EXT1: variants seen among roughly 807,000 people sequenced by gnomAD.
EXT1 encodes exostosin-1.
In EXT1, 20 loss-of-function variants were observed where a neutral mutation model predicts 82.5. The ratio of observed to expected loss-of-function variants is 0.24; its 90% CI spans 0.17 to 0.35. The LOEUF (loss-of-function observed/expected upper bound fraction) is 0.35. Ranked by LOEUF, EXT1 falls within the 10% of genes least tolerant of loss-of-function variation. The probability of loss-of-function intolerance (pLI) is 1.00; values close to 1 mark genes in which losing one functional copy is unlikely to be tolerated. For synonymous variants in EXT1, 348 were observed against 350.8 expected (o/e 0.99, Z 0.09); for missense variants, 757 against 936.5 (o/e 0.81, Z 2.50).
chr8:117,858,945 C>G (rs1187042183), intron 1 of EXT1, among the ~76,000 whole-genome samples: 1 of 151,916 alleles, frequency 6.6e-6, no homozygotes, highest in Non-Finnish European at 1.5e-5. Context: ...CAGCAACCAC[C>G]ACTTGATCAG....
At chr8:118,024,984 T>C (rs754801775) in intron 1 of EXT1, among the ~76,000 whole-genome samples, 1 of 152,248 alleles carries the variant, frequency 6.6e-6, no homozygotes, top group African/African-American at 2.4e-5. Flanking sequence ...TGTGTTTCTA[T>C]GTACGTGTAT....
At chr8:118,091,108 A>C (rs1468679642) in intron 1 of EXT1, among the ~76,000 whole-genome samples, 1 of 152,190 alleles carries the variant, frequency 6.6e-6, no homozygotes, top group Non-Finnish European at 1.5e-5. Flanking sequence ...TGAGTTCACT[A>C]TCTCTCAGCC....
intron 1 of EXT1, among the ~76,000 whole-genome samples, chr8:117,885,593 T>TA (rs1813134552): frequency 6.6e-6 from 1 of 151,690 alleles, no homozygotes; most frequent in Admixed American, 6.6e-5. Flanking sequence ...TACAAAATGG[T>TA]AACATACCAT....
At chr8:117,929,933 C>T (rs1814019649) in intron 1 of EXT1, among the ~76,000 whole-genome samples, 1 of 152,096 alleles carries the variant, frequency 6.6e-6, no homozygotes, top group Non-Finnish European at 1.5e-5. Context: ...CACAGTGAAA[C>T]CCCATCTCTA....
chr8:117,938,448 C>G (rs1394286955), intron 1 of EXT1, among the ~76,000 whole-genome samples: 1 of 151,912 alleles, frequency 6.6e-6, no homozygotes, highest in Non-Finnish European at 1.5e-5. Context: ...AGTGACAAAG[C>G]GAGACTCCAA....
chr8:118,028,516 T>C (rs2129872793), intron 1 of EXT1, among the ~76,000 whole-genome samples: 1 of 152,072 alleles, frequency 6.6e-6, no homozygotes, highest in East Asian at 1.9e-4. Context: ...TATACATATA[T>C]AGATATACAT....
At chr8:117,978,054 C>G (rs1413743048) in intron 1 of EXT1, among the ~76,000 whole-genome samples, 1 of 152,178 alleles carries the variant, frequency 6.6e-6, no homozygotes, top group Non-Finnish European at 1.5e-5. Context: ...TGAAAAGTAT[C>G]TATTTGAAAG....
intron 1 of EXT1, among the ~76,000 whole-genome samples, chr8:117,878,574 G>A (rs542708774): frequency 2.1e-4 from 32 of 152,276 alleles, no homozygotes; most frequent in Non-Finnish European, 3.4e-4. Flanking sequence ...GCATAAGGTT[G>A]GCCAAGTTGT....
chr8:117,904,984 G>A (rs1586276264), intron 1 of EXT1, among the ~76,000 whole-genome samples: 3 of 152,308 alleles, frequency 2.0e-5, no homozygotes, highest in African/African-American at 7.2e-5. Context: ...CATTTAAGAT[G>A]TGTGAACTTT....
At chr8:117,973,103 T>C (rs1814974637) in intron 1 of EXT1, among the ~76,000 whole-genome samples, 1 of 152,216 alleles carries the variant, frequency 6.6e-6, no homozygotes, top group South Asian at 2.1e-4. Flanking sequence ...AGAACCATTG[T>C]AAAATATTTG....
chr8:117,966,728 T>TA (rs1427338984), intron 1 of EXT1, among the ~76,000 whole-genome samples: 2 of 152,216 alleles, frequency 1.3e-5, no homozygotes, highest in Non-Finnish European at 2.9e-5. Flanking sequence ...AGGGAAAGAC[T>TA]AAAAATAATT....
At chr8:117,815,928 C>G (rs1811804232) in intron 7 of EXT1, among the ~76,000 whole-genome samples, 1 of 128,942 alleles carries the variant, frequency 7.8e-6, no homozygotes, top group Non-Finnish European at 1.7e-5. Flanking sequence ...GAGCGAAACT[C>G]TGCCTCAAAA....
Position 117,936,065 on chromosome 8 carries a change from T to C in EXT1, c.963-98864A>G, listed in dbSNP as rs960025540. On this transcript the variant is annotated intron_variant, in intron 1 of 10. Coordinates refer to ENST00000378204, the MANE Select transcript of EXT1 (RefSeq NM_000127.3). ...ACAAAAAGCTCTGCATTTGGAAAACTGGACAAATTCCATATTCACTCAAGT... is the reference window on the plus strand; with the variant it reads ...ACAAAAAGCTCTGCATTTGGAAAACCGGACAAATTCCATATTCACTCAAGT... Among the ~76,000 whole-genome samples the C allele has an allele frequency of 3.9e-5, 6 of 152,314 alleles. No homozygotes were observed. In the East Asian group the frequency reaches 9.6e-4, roughly 24 times the overall value.
At chr8:117,860,232 A>C (rs993004892) in intron 1 of EXT1, among the ~76,000 whole-genome samples, 5 of 152,096 alleles carry the variant, frequency 3.3e-5, no homozygotes, top group Admixed American at 2.6e-4. Context: ...CCATTATTCT[A>C]AGTGAAATGA....
intron 3 of EXT1, among the ~76,000 whole-genome samples, chr8:117,833,384 A>T (rs774238303): frequency 2.6e-5 from 4 of 152,346 alleles, no homozygotes; most frequent in South Asian, 2.1e-4. Context: ...TGGGAGGCTG[A>T]GGCAGGTGGA....
chr8:117,907,558 C>T (rs1193903948), intron 1 of EXT1, among the ~76,000 whole-genome samples: 2 of 152,146 alleles, frequency 1.3e-5, no homozygotes, highest in African/African-American at 4.8e-5. Context: ...AGTAGTGACA[C>T]TTAAAAATGG....
chr8:118,099,624 T>C (rs1394841650), intron 1 of EXT1, among the ~76,000 whole-genome samples: 1 of 152,264 alleles, frequency 6.6e-6, no homozygotes, highest in Non-Finnish European at 1.5e-5. Context: ...GCTATGTGTA[T>C]GCTCTTAGGC....
chr8:117,837,042 T>C, intron 2 of EXT1, 66 bp downstream of exon 2: 2 of 1,092,086 alleles, frequency 1.8e-6, no homozygotes, highest in Admixed American at 3.4e-5. Flanking sequence ...GAGGTGATAA[T>C]GTTAAACCCA....
At chr8:117,951,423 T>G (rs1267431543) in intron 1 of EXT1, among the ~76,000 whole-genome samples, 1 of 152,202 alleles carries the variant, frequency 6.6e-6, no homozygotes, top group African/African-American at 2.4e-5. Flanking sequence ...TATTTTGTAA[T>G]TCAGTAACCA....
Sources: gnomAD v4.1 joint callset for allele counts (sites outside exome capture counted in the v4.1 genomes callset) on GRCh38, gnomAD v4.1.1 for gene constraint, MANE v1.5 for transcripts, NCBI Gene and HGNC (gene_info 2026-07-23, HGNC 2026-07-21) for gene names.